The following CAMK1D variants were observed in gnomAD, a reference collection of about 807,000 sequenced individuals.
CAMK1D encodes the protein calcium/calmodulin-dependent protein kinase type 1D.
In CAMK1D, 9 loss-of-function variants were observed where a neutral mutation model predicts 47.7. That is an observed-to-expected ratio of 0.19 (90% CI 0.11 to 0.33). The LOEUF (loss-of-function observed/expected upper bound fraction) is 0.33, where lower values mean the gene tolerates loss of function less well. Ranked by LOEUF, CAMK1D falls within the 10% of genes least tolerant of loss-of-function variation. The pLI, the probability that CAMK1D is intolerant of heterozygous loss-of-function variation, is 1.00. For missense variants in CAMK1D, 291 were observed against 488.7 expected (o/e 0.60, Z 3.81); for synonymous variants, 184 against 184.9 (o/e 0.99, Z 0.04).
At chr10:12,462,746 C>T (rs189578996) in intron 1 of CAMK1D, among the ~76,000 whole-genome samples, 33 of 152,226 alleles carry the variant, frequency 2.2e-4, no homozygotes, top group Admixed American at 1.5e-3. Context: ...GGCTGGAGTG[C>T]AGTGGCACGG....
At chr10:12,576,257 T>TG (rs1306814706) in intron 2 of CAMK1D, among the ~76,000 whole-genome samples, 1 of 152,158 alleles carries the variant, frequency 6.6e-6, no homozygotes, top group Non-Finnish European at 1.5e-5. Flanking sequence ...GTATCTATTT[T>TG]GGGGGTTTTG....
intron 1 of CAMK1D, among the ~76,000 whole-genome samples, chr10:12,441,352 A>G (rs1301638197): frequency 1.3e-5 from 2 of 152,050 alleles, no homozygotes; most frequent in Admixed American, 6.6e-5. Context: ...CATATGCGAC[A>G]GGCCTGGCTA....
At chr10:12,381,124 G>A (rs931707868) in intron 1 of CAMK1D, among the ~76,000 whole-genome samples, 4 of 152,138 alleles carry the variant, frequency 2.6e-5, no homozygotes, top group Non-Finnish European at 4.4e-5. Flanking sequence ...AAAAGAACTG[G>A]TCATGTCTTG....
In CAMK1D at chr10:12,801,698, C is replaced by T. The variant is rs971974359; in HGVS notation, c.641+10465C>T. Reference sequence around the variant, plus strand: ...ATCTATCTTCATTATCATTATCTGTCATCTATCTCTATCAACCTATCATCT... The same window carrying T: ...ATCTATCTTCATTATCATTATCTGTTATCTATCTCTATCAACCTATCATCT... On this transcript the variant is annotated intron_variant, in intron 6 of 10. Transcript: ENST00000619168. Among the ~76,000 whole-genome samples, 37 of 152,292 alleles carry T rather than the reference C, an allele frequency of 2.4e-4. No individual in the cohort carries two copies. In the Middle Eastern group the frequency reaches 0.014, roughly 56 times the overall value.
At chr10:12,810,423 T>A (rs1429864025) in intron 6 of CAMK1D, among the ~76,000 whole-genome samples, 1 of 152,018 alleles carries the variant, frequency 6.6e-6, no homozygotes, top group Non-Finnish European at 1.5e-5. Context: ...TACAGGCACC[T>A]GCCACCACGC....
At chr10:12,765,671 A>G (rs76239630) in intron 4 of CAMK1D, among the ~76,000 whole-genome samples, 1,721 of 152,328 alleles carry the variant, frequency 0.011, 19 homozygotes, top group East Asian at 0.059. Context: ...CGCCAAGGAA[A>G]TCAAGGATGC....
intron 2 of CAMK1D, among the ~76,000 whole-genome samples, chr10:12,623,036 C>T (rs1839046637): frequency 1.5e-5 from 2 of 135,384 alleles, no homozygotes; most frequent in African/African-American, 3.1e-5. Flanking sequence ...CCCTTCCCTT[C>T]GCCCTTCCCT....
At chr10:12,407,798 T>C (rs1313453181) in intron 1 of CAMK1D, among the ~76,000 whole-genome samples, 3 of 151,810 alleles carry the variant, frequency 2.0e-5, no homozygotes, top group Admixed American at 6.6e-5. Context: ...GAAACACATA[T>C]CCTGGGAAAA....
At chr10:12,575,772 G>T (rs1000362136) in intron 2 of CAMK1D, among the ~76,000 whole-genome samples, 1 of 152,214 alleles carries the variant, frequency 6.6e-6, no homozygotes, top group Non-Finnish European at 1.5e-5. Flanking sequence ...TTGAGCTTAA[G>T]AAGACAGTGG....
Position 12,608,121 on chromosome 10 carries a change from A to G in CAMK1D, c.224+54765A>G, listed in dbSNP as rs186715098. On this transcript the variant is annotated intron_variant, in intron 2 of 10. Coordinates refer to ENST00000619168, the MANE Select transcript of CAMK1D (RefSeq NM_153498.4). ...TACAGACATGAAGGGAACTATTAAC[A>G]TATTTACATGGTTTAGGCCAGGCAT... Among the ~76,000 whole-genome samples, 100 of 152,064 alleles carry G rather than the reference A, an allele frequency of 6.6e-4. 1 individual carries two copies. The Middle Eastern group carries it at 0.014, about 21-fold the overall frequency.
At chr10:12,807,054 G>A (rs972777792) in intron 6 of CAMK1D, among the ~76,000 whole-genome samples, 3 of 152,162 alleles carry the variant, frequency 2.0e-5, no homozygotes, top group Non-Finnish European at 2.9e-5. Flanking sequence ...CTTATCTGCT[G>A]TCCCGGTTTT....
chr10:12,509,199 A>G (rs77848708), intron 1 of CAMK1D, among the ~76,000 whole-genome samples: 1,972 of 152,318 alleles, frequency 0.013, 39 homozygotes, highest in East Asian at 0.072. Flanking sequence ...CCCCAGGCAG[A>G]GGCTGTCACC....
At chr10:12,723,689 T>A (rs371600535) in intron 3 of CAMK1D, among the ~76,000 whole-genome samples, 3 of 152,226 alleles carry the variant, frequency 2.0e-5, no homozygotes, top group African/African-American at 7.2e-5. Context: ...TAAATAATTA[T>A]GTTTATATCC....
intron 1 of CAMK1D, among the ~76,000 whole-genome samples, chr10:12,439,985 C>T (rs745607558): frequency 1.8e-4 from 28 of 152,254 alleles, no homozygotes; most frequent in East Asian, 5.8e-4. Flanking sequence ...CTCACTACCA[C>T]GAGAACAGTA....
intron 2 of CAMK1D, among the ~76,000 whole-genome samples, chr10:12,592,414 A>G (rs965262223): frequency 8.5e-5 from 13 of 152,234 alleles, no homozygotes; most frequent in African/African-American, 2.7e-4. Context: ...ATCAATAATG[A>G]ACTTTAATTA....
intron 3 of CAMK1D, among the ~76,000 whole-genome samples, chr10:12,710,470 A>G (rs1833895948): frequency 6.6e-6 from 1 of 152,262 alleles, no homozygotes; most frequent in South Asian, 2.1e-4. Flanking sequence ...CAGATTAGTG[A>G]CAAAGACAGA....
chr10:12,573,343 C>T (rs1416302521), intron 2 of CAMK1D, among the ~76,000 whole-genome samples: 43 of 145,118 alleles, frequency 3.0e-4, no homozygotes, highest in Non-Finnish European at 6.0e-4. Flanking sequence ...ATGATGGAGA[C>T]GATGCTTTTT....
chr10:12,573,923 G>C (rs1051788176), intron 2 of CAMK1D, among the ~76,000 whole-genome samples: 2 of 128,254 alleles, frequency 1.6e-5, no homozygotes, highest in Non-Finnish European at 1.6e-5. Context: ...TGATCCTCCT[G>C]CCTTGACGTC....
intron 3 of CAMK1D, among the ~76,000 whole-genome samples, chr10:12,683,657 C>T (rs886128280): frequency 3.3e-5 from 5 of 151,812 alleles, no homozygotes; most frequent in East Asian, 1.9e-4. Flanking sequence ...TTAGTAATTT[C>T]GCATCCTTAA....
Sources: allele counts gnomAD v4.1 joint callset (sites outside exome capture counted in the v4.1 genomes callset), GRCh38; gene constraint gnomAD v4.1.1; transcripts MANE v1.5; gene names NCBI Gene and HGNC (gene_info 2026-07-23, HGNC 2026-07-21).